Variants in PSMA1 observed in about 807,000 individuals in gnomAD.
The protein encoded by PSMA1 is proteasome 20S subunit alpha 1.
PSMA1 carries 3 observed loss-of-function variants against 38.4 expected under a neutral mutation model. The ratio of observed to expected loss-of-function variants is 0.08; its 90% confidence interval spans 0.04 to 0.20. The LOEUF is 0.20. Ranked by LOEUF, PSMA1 falls within the 10% of genes least tolerant of loss-of-function variation. The pLI, the probability that PSMA1 is intolerant of heterozygous loss-of-function variation, is 1.00. For synonymous variants in PSMA1, 101 were observed against 107.1 expected, an observed-to-expected ratio of 0.94 and a Z score of 0.35; for missense variants, 227 against 325.3, an observed-to-expected ratio of 0.70 and a Z score of 2.32.
chr11:14,570,344 C>G (rs748567427), intron 2 of PSMA1, among the ~76,000 whole-genome samples: 16 of 152,170 alleles, frequency 1.1e-4, no homozygotes, highest in Admixed American at 3.3e-4. Context: ...AGCAATGGAA[C>G]AAAGCTGGAT....
chr11:14,630,064 G>A (rs969744035), intron 1 of PSMA1, among the ~76,000 whole-genome samples: 1 of 151,942 alleles, frequency 6.6e-6, no homozygotes, highest in African/African-American at 2.4e-5. Flanking sequence ...GAGATTTTGG[G>A]CTGAGACAAT....
At chr11:14,553,687 T>C (rs1589991028) in intron 2 of PSMA1, among the ~76,000 whole-genome samples, 1 of 152,316 alleles carries the variant, frequency 6.6e-6, no homozygotes, top group Middle Eastern at 3.4e-3. Context: ...TATTCCATGA[T>C]ATAGATGCAC....
intron 2 of PSMA1, among the ~76,000 whole-genome samples, chr11:14,552,820 CTTTTTT>C (rs34932699): frequency 8.2e-6 from 1 of 122,028 alleles, no homozygotes; most frequent in Admixed American, 8.3e-5. Context: ...GCTTATATAA[CTTTTTT>C]TTTTTTTTTT....
chr11:14,513,449 T>A, intron 7 of PSMA1, 121 bp downstream of exon 7: 4 of 1,128,222 alleles, frequency 3.5e-6, no homozygotes, highest in Non-Finnish European at 3.4e-6. Context: ...GGCATAATTT[T>A]TTTTAAAAAA....
In PSMA1 at chr11:14,513,904, A is replaced by G; in HGVS notation, c.344-17T>C. ...TCTGGGTCTCTTAGACTGGTTAACG[A>G]GCTTGTTTTAACAAGGAATGAAGTA... On this transcript the variant is annotated splice_polypyrimidine_tract_variant and intron_variant, in intron 5 of 9. Coordinates refer to ENST00000396394, the MANE Select transcript of PSMA1 (RefSeq NM_002786.4). The G allele has an allele frequency of 3.2e-6, 5 of 1,574,746 alleles. No individual in the cohort carries two copies. The East Asian group carries it at 1.1e-4, about 36-fold the overall frequency.
At position 14,634,639 on chromosome 11, in the gene PSMA1, T is replaced by C. The variant is rs1028588069; in HGVS notation, c.-166+8816A>G. ...GATTACAGGCATGAGCCACCGTGCA[T>C]AGCCAAAATTCAGGCTTTCTATGCC... On this transcript the variant is annotated intron_variant, in intron 1 of 10. Transcript: ENST00000418988. 5.9e-5 allele frequency among the ~76,000 whole-genome samples: 9 copies of C among 152,264 alleles called. No individual in the cohort carries two copies. In the East Asian group the frequency reaches 1.5e-3, roughly 26 times the overall value.
At chr11:14,631,360 G>A (rs1418616375) in intron 1 of PSMA1, among the ~76,000 whole-genome samples, 1 of 151,964 alleles carries the variant, frequency 6.6e-6, no homozygotes, top group African/African-American at 2.4e-5. Context: ...ATTCTGGTAT[G>A]TTGTGTCTTT....
chr11:14,639,970 C>T (rs966300700), intron 1 of PSMA1, among the ~76,000 whole-genome samples: 1 of 152,144 alleles, frequency 6.6e-6, no homozygotes, highest in African/African-American at 2.4e-5. Context: ...CTGTAATAGT[C>T]TTCTTACTGT....
chr11:14,600,381 T>C (rs1441074431), intron 2 of PSMA1, among the ~76,000 whole-genome samples: 1 of 152,226 alleles, frequency 6.6e-6, no homozygotes, highest in Non-Finnish European at 1.5e-5. Context: ...TAGGCCTTGT[T>C]AAGCTGTTGT....
At chr11:14,507,578 G>A (rs185104672) in intron 9 of PSMA1, 78 bp downstream of exon 9, 1 of 1,011,214 alleles carries the variant, frequency 9.9e-7, no homozygotes, top group South Asian at 1.4e-5. Flanking sequence ...AAGACAAAAT[G>A]GAAAATTTAC....
chr11:14,543,646 A>G (rs1851795874), intron 2 of PSMA1, among the ~76,000 whole-genome samples: 1 of 152,076 alleles, frequency 6.6e-6, no homozygotes, highest in Non-Finnish European at 1.5e-5. Flanking sequence ...TTTGGCTTTT[A>G]TAAAAAACAG....
At chr11:14,546,209 G>A (rs1382604895) in intron 2 of PSMA1, among the ~76,000 whole-genome samples, 2 of 148,946 alleles carry the variant, frequency 1.3e-5, no homozygotes, top group East Asian at 3.9e-4. Context: ...TATTTAAACC[G>A]CTAGACTGAG....
chr11:14,585,466 C>T (rs1002727649), intron 2 of PSMA1, among the ~76,000 whole-genome samples: 4 of 152,214 alleles, frequency 2.6e-5, no homozygotes, highest in African/African-American at 9.6e-5. Context: ...TGAGTCATTG[C>T]CAAATTAAAA....
In PSMA1 at chr11:14,533,501, T is replaced by C. The variant is rs550315861; in HGVS notation, c.22-14460A>G. Among the ~76,000 whole-genome samples the C allele has an allele frequency of 6.6e-5, 10 of 152,354 alleles. No homozygotes were observed. The South Asian group carries it at 1.9e-3, about 28-fold the overall frequency. On this transcript the variant is annotated intron_variant, in intron 2 of 10. Coordinates refer to the PSMA1 transcript ENST00000418988. ...AGGTTTTGCCACTATCTGGGCTTTG[T>C]TACAGAACAAGATGGGAATCTTAGC...
intron 2 of PSMA1, among the ~76,000 whole-genome samples, chr11:14,558,777 A>G (rs1365708227): frequency 2.0e-5 from 3 of 152,250 alleles, no homozygotes; most frequent in African/African-American, 7.2e-5. Flanking sequence ...TGTGGTTTCC[A>G]TCCTCCCTGT....
chr11:14,639,934 T>A (rs1853176704), intron 1 of PSMA1, among the ~76,000 whole-genome samples: 2 of 152,220 alleles, frequency 1.3e-5, no homozygotes, highest in South Asian at 2.1e-4. Flanking sequence ...TTATTACCTC[T>A]GTATCACAGC....
chr11:14,576,478 A>G (rs1852217389), intron 2 of PSMA1, among the ~76,000 whole-genome samples: 1 of 152,204 alleles, frequency 6.6e-6, no homozygotes, highest in African/African-American at 2.4e-5. Flanking sequence ...TAAGGGATTC[A>G]GTTTTAGCTT....
chr11:14,560,662 T>C (rs1175253353), intron 2 of PSMA1, among the ~76,000 whole-genome samples: 1 of 152,172 alleles, frequency 6.6e-6, no homozygotes, highest in Non-Finnish European at 1.5e-5. Context: ...CACTCCTACT[T>C]CTTACTTTTG....
chr11:14,590,650 T>C (rs964531621), intron 2 of PSMA1, among the ~76,000 whole-genome samples: 1 of 152,016 alleles, frequency 6.6e-6, no homozygotes, highest in African/African-American at 2.4e-5. Context: ...TGGGAATGAG[T>C]TGGTTGTTGG....
Sources: gnomAD v4.1 joint callset for allele counts (sites outside exome capture counted in the v4.1 genomes callset) on GRCh38, gnomAD v4.1.1 for gene constraint, MANE v1.5 for transcripts, NCBI Gene and HGNC (gene_info 2026-07-23, HGNC 2026-07-21) for gene names.